The following ADAMTSL3 variants were observed in gnomAD, a reference collection of about 807,000 sequenced individuals.
The protein encoded by ADAMTSL3 is ADAMTS-like protein 3.
In ADAMTSL3, 128 loss-of-function variants were observed where a neutral mutation model predicts 201.7. The ratio of observed to expected loss-of-function variants is 0.63; its 90% confidence interval spans 0.55 to 0.73. The LOEUF (loss-of-function observed/expected upper bound fraction) is 0.73, where lower values mean the gene tolerates loss of function less well. Among genes scored for constraint, ADAMTSL3 ranks in the 30% least tolerant of loss-of-function variants. ADAMTSL3 has a pLI of 0.00. For synonymous variants in ADAMTSL3, 738 were observed against 748.4 expected (o/e 0.99, Z 0.23); for missense variants, 1,990 against 2,119.6 (o/e 0.94, Z 1.20).
chr15:83,823,001 C>T (rs900668562), intron 6 of ADAMTSL3, among the ~76,000 whole-genome samples: 8 of 151,648 alleles, frequency 5.3e-5, no homozygotes, highest in Non-Finnish European at 7.4e-5. Context: ...GAGACCAGCC[C>T]GGCCAACACA....
At chr15:83,678,233 T>C (rs1292341193) in intron 2 of ADAMTSL3, among the ~76,000 whole-genome samples, 1 of 152,148 alleles carries the variant, frequency 6.6e-6, no homozygotes, top group Non-Finnish European at 1.5e-5. Flanking sequence ...TGCCCATTAA[T>C]TGTTGTTTCT....
intron 23 of ADAMTSL3, among the ~76,000 whole-genome samples, chr15:84,001,166 G>T (rs2067785805): frequency 6.6e-6 from 1 of 152,164 alleles, no homozygotes; most frequent in South Asian, 2.1e-4. Flanking sequence ...ATTTATCCAG[G>T]AGTCAGCAGA....
chr15:83,906,081 G>A (rs932642865), intron 15 of ADAMTSL3, among the ~76,000 whole-genome samples: 3 of 152,154 alleles, frequency 2.0e-5, no homozygotes, highest in African/African-American at 7.2e-5. Context: ...GTTTTAAAAT[G>A]ACGTCATTGT....
chr15:83,951,658 G>T (rs1272251559), intron 19 of ADAMTSL3, among the ~76,000 whole-genome samples: 1 of 152,066 alleles, frequency 6.6e-6, no homozygotes, highest in Non-Finnish European at 1.5e-5. Flanking sequence ...TCTTTACTGG[G>T]AGACATTTTA....
At chr15:83,998,451 A>G (rs1001797401) in intron 23 of ADAMTSL3, among the ~76,000 whole-genome samples, 2 of 152,230 alleles carry the variant, frequency 1.3e-5, no homozygotes, top group Admixed American at 6.5e-5. Context: ...TCCATTTCGA[A>G]AAAAGGAAAA....
rs1596375988 is a variant in ADAMTSL3, at chr15:83,899,740, A to G, written c.1700+9A>G. 1 of 1,609,248 alleles carries G rather than the reference A, an allele frequency of 6.2e-7. No homozygotes were observed. The highest frequency in any genetic ancestry group is 1.3e-5 in the African/African-American group (1 of 74,708). Reference sequence around the variant, plus strand: ...GCAACAGAAGAACCAACGTGAGTCCAGGACCTTTTGTAGGAATAATCAGGG... The same window carrying G: ...GCAACAGAAGAACCAACGTGAGTCCGGGACCTTTTGTAGGAATAATCAGGG... On this transcript the variant is annotated intron_variant, in intron 15 of 29. Coordinates refer to ENST00000286744, the MANE Select transcript of ADAMTSL3 (RefSeq NM_207517.3).
At chr15:83,882,592 A>G (rs756311119) in intron 9 of ADAMTSL3, among the ~76,000 whole-genome samples, 3 of 152,020 alleles carry the variant, frequency 2.0e-5, no homozygotes, top group Admixed American at 6.6e-5. Flanking sequence ...AAGTTTCACA[A>G]TCTTTTTGTG....
chr15:83,819,889 T>G lies in ADAMTSL3; in HGVS notation c.442T>G (p.Tyr148Asp), dbSNP rs2063833344. ...YNDVQYQGHY[Y>D]EWLPRYNDPA... Reference sequence around the variant, plus strand: ...TGATGTCCAGTATCAGGGGCATTACTATGAATGGCTTCCACGATATAATGA... The same window carrying G: ...TGATGTCCAGTATCAGGGGCATTACGATGAATGGCTTCCACGATATAATGA... Residue 148 changes from tyrosine to aspartate, a missense_variant, in exon 6 of 30, where the codon TAT becomes GAT. By Grantham distance (160) the Tyr-to-Asp change is radical. Coordinates refer to ENST00000286744, the MANE Select transcript of ADAMTSL3 (RefSeq NM_207517.3). 1 of 1,614,132 alleles carries G rather than the reference T, an allele frequency of 6.2e-7. No individual in the cohort carries two copies. The highest frequency in any genetic ancestry group is 1.3e-5 in the African/African-American group (1 of 75,024).
intron 16 of ADAMTSL3, among the ~76,000 whole-genome samples, chr15:83,923,203 T>C (rs1183496052): frequency 6.6e-6 from 1 of 152,194 alleles, no homozygotes; most frequent in Non-Finnish European, 1.5e-5. Flanking sequence ...ATTTTTAGGC[T>C]TGAATCTACC....
intron 23 of ADAMTSL3, among the ~76,000 whole-genome samples, chr15:84,012,567 C>A (rs1160660903): frequency 6.6e-6 from 1 of 152,180 alleles, no homozygotes; most frequent in African/African-American, 2.4e-5. Flanking sequence ...CAGCTTCTGT[C>A]CTTCTCTTCT....
chr15:83,666,411 T>G (rs564823845), intron 2 of ADAMTSL3, among the ~76,000 whole-genome samples: 18 of 152,240 alleles, frequency 1.2e-4, no homozygotes, highest in Admixed American at 2.6e-4. Flanking sequence ...GAAAATTCCA[T>G]TGATGTCTAT....
chr15:83,935,983 T>C (rs1199619567), intron 17 of ADAMTSL3, among the ~76,000 whole-genome samples: 1 of 151,952 alleles, frequency 6.6e-6, no homozygotes, highest in Non-Finnish European at 1.5e-5. Context: ...TATCAGCAAA[T>C]TTTCACTAAA....
intron 4 of ADAMTSL3, among the ~76,000 whole-genome samples, chr15:83,777,136 A>G (rs2141768340): frequency 6.6e-6 from 1 of 152,280 alleles, no homozygotes; most frequent in Middle Eastern, 3.4e-3. Flanking sequence ...CCCTGAGCCA[A>G]CACCACCTCC....
At chr15:83,980,269 A>C (rs1182101253) in intron 20 of ADAMTSL3, among the ~76,000 whole-genome samples, 1 of 152,232 alleles carries the variant, frequency 6.6e-6, no homozygotes, top group South Asian at 2.1e-4. Flanking sequence ...TAATCGAACA[A>C]CTATGGGGTT....
At chr15:83,962,513 A>G (rs2066992136) in intron 19 of ADAMTSL3, 1 of 152,112 alleles carries the variant, frequency 6.6e-6, no homozygotes, top group African/African-American at 2.4e-5. Context: ...CAACAACTCT[A>G]ATTTTACTTT....
intron 4 of ADAMTSL3, among the ~76,000 whole-genome samples, chr15:83,792,180 T>A (rs2063355047): frequency 6.6e-6 from 1 of 152,042 alleles, no homozygotes; most frequent in African/African-American, 2.4e-5. Flanking sequence ...AAAAATAACC[T>A]GATTAAAAAA....
At chr15:83,900,650 C>T (rs1157673426) in intron 15 of ADAMTSL3, among the ~76,000 whole-genome samples, 4 of 152,228 alleles carry the variant, frequency 2.6e-5, no homozygotes, top group Admixed American at 2.6e-4. Flanking sequence ...GCAGGCATTT[C>T]TTCTTCAACA....
At chr15:83,657,868 C>T (rs1391832520) in intron 2 of ADAMTSL3, among the ~76,000 whole-genome samples, 2 of 152,128 alleles carry the variant, frequency 1.3e-5, no homozygotes, top group Non-Finnish European at 2.9e-5. Flanking sequence ...GCCCTGTGTC[C>T]CTGTCCGTGG....
At chr15:83,713,939 C>T (rs1300330019) in intron 3 of ADAMTSL3, among the ~76,000 whole-genome samples, 1 of 152,130 alleles carries the variant, frequency 6.6e-6, no homozygotes, top group African/African-American at 2.4e-5. Flanking sequence ...AGTTTTAACA[C>T]TCTGGAGTGT....
Sources: gnomAD v4.1 joint callset for allele counts (sites outside exome capture counted in the v4.1 genomes callset) on GRCh38, gnomAD v4.1.1 for gene constraint, MANE v1.5 for transcripts, NCBI Gene and HGNC (gene_info 2026-07-23, HGNC 2026-07-21) for gene names.